The following ALDH8A1 variants were observed in gnomAD, a reference collection of about 807,000 sequenced individuals.
ALDH8A1 encodes the protein 2-aminomuconic semialdehyde dehydrogenase.
In ALDH8A1, 39 loss-of-function variants were observed where a neutral mutation model predicts 43.3. The observed-to-expected ratio is 0.90, with a 90% CI of 0.70 to 1.18. ALDH8A1 has a LOEUF of 1.18. Ranked by LOEUF, ALDH8A1 falls within the 50% of genes most tolerant of loss-of-function variation. ALDH8A1 has a pLI of 0.00. For missense variants in ALDH8A1, 605 were observed against 622.6 expected (o/e 0.97, Z 0.30); for synonymous variants, 233 against 243.5 (o/e 0.96, Z 0.40).
intron 4 of ALDH8A1, among the ~76,000 whole-genome samples, chr6:134,938,051 G>C (rs2114699776): frequency 6.6e-6 from 1 of 152,350 alleles, no homozygotes; most frequent in South Asian, 2.1e-4. Context: ...TAATGTGTAT[G>C]TCTGTGCTTC....
At position 134,950,019 on chromosome 6, in the gene ALDH8A1, T is replaced by G; in HGVS notation, c.35A>C (p.Asn12Thr). The change falls in exon 1 of 7, where the codon AAC becomes ACC. Residue 12 changes from asparagine to threonine, a missense_variant. By Grantham distance (65) the Asn-to-Thr change is moderately conservative. Coordinates refer to ENST00000265605, the MANE Select transcript of ALDH8A1 (RefSeq NM_022568.4). Reference sequence around the variant, plus strand: ...AGGTAAAAATTTTCCATCTATGAAGTTTTCCAGCATCAAAAGTGCGTTTGT... The same window carrying G: ...AGGTAAAAATTTTCCATCTATGAAGGTTTCCAGCATCAAAAGTGCGTTTGT... ...AGTNALLMLENFIDGKFLPCS... is the reference protein window; with the variant it reads ...AGTNALLMLETFIDGKFLPCS... 2 of 1,612,810 alleles carry G rather than the reference T, an allele frequency of 1.2e-6. No homozygotes were observed. Among genetic ancestry groups the G allele is most frequent in the Non-Finnish European group, 1.7e-6 (2 of 1,179,456 alleles).
chr6:134,933,110 A>T, intron 4 of ALDH8A1, 78 bp from the exon 5 acceptor site: 1 of 1,438,606 alleles, frequency 7.0e-7, no homozygotes, highest in Non-Finnish European at 9.1e-7. Flanking sequence ...TCTCCTTTAA[A>T]GTCCAATCGC....
intron 4 of ALDH8A1, among the ~76,000 whole-genome samples, chr6:134,937,869 A>G (rs1363926793): frequency 6.6e-6 from 1 of 151,510 alleles, no homozygotes; most frequent in Non-Finnish European, 1.5e-5. Context: ...CACCCCCTCC[A>G]CCTCGAAGCC....
intron 3 of ALDH8A1, 77 bp from the exon 4 acceptor site, chr6:134,939,492 G>A (rs1041712554): frequency 2.3e-5 from 34 of 1,496,348 alleles, no homozygotes; most frequent in African/African-American, 9.7e-5. Context: ...GGTTATTAAC[G>A]CAAAACTCCT....
chr6:134,919,793 C>A (rs1776765986), intron 6 of ALDH8A1, among the ~76,000 whole-genome samples: 2 of 152,164 alleles, frequency 1.3e-5, no homozygotes, highest in Admixed American at 1.3e-4. Flanking sequence ...TACATTAGAA[C>A]TCCATTGTAG....
At chr6:134,940,146 G>A (rs1200183076) in intron 3 of ALDH8A1, 1 of 336,402 alleles carries the variant, frequency 3.0e-6, no homozygotes, top group South Asian at 2.3e-5. Flanking sequence ...GTGATGGGTT[G>A]ATAGGTGCAG....
At chr6:134,946,527 C>CTA (rs561528752) in intron 1 of ALDH8A1, among the ~76,000 whole-genome samples, 28 of 152,336 alleles carry the variant, frequency 1.8e-4, no homozygotes, top group Admixed American at 1.4e-3. Flanking sequence ...AAAGCATTTA[C>CTA]TATATGCCAA....
rs1437435048 is a variant in ALDH8A1 at position 134,930,979 on chromosome 6, G to A, written c.850-1764C>T. On this transcript the variant is annotated intron_variant, in intron 5 of 6. Transcript: ENST00000265605. ...AGTTTTGAATTAGTACATGTCCAGGGTCACACAGAGATGCTTCAAAAAAGC... is the reference window on the plus strand; with the variant it reads ...AGTTTTGAATTAGTACATGTCCAGGATCACACAGAGATGCTTCAAAAAAGC... Among the ~76,000 whole-genome samples the A allele has an allele frequency of 2.0e-5, 3 of 152,168 alleles. No individual in the cohort carries two copies. In the East Asian group the frequency reaches 5.8e-4, roughly 29 times the overall value.
chr6:134,921,155 A>C (rs940800196), intron 6 of ALDH8A1, among the ~76,000 whole-genome samples: 1 of 152,142 alleles, frequency 6.6e-6, no homozygotes, highest in African/African-American at 2.4e-5. Context: ...TAGCTGAGAG[A>C]CCTCAGAGAT....
chr6:134,924,225 C>T lies in ALDH8A1; in HGVS notation c.1011+4829G>A, dbSNP rs369246113. ...CCTCCCACCTGTATGCCGGTGCTAC[C>T]GGGACATGCACTTGCAAACTGAGTC... On this transcript the variant is annotated intron_variant, in intron 6 of 6. Transcript: ENST00000265605. Among the ~76,000 whole-genome samples, 34 of 152,282 alleles carry T rather than the reference C, an allele frequency of 2.2e-4. 1 individual carries two copies. The highest frequency in any genetic ancestry group is 3.9e-4 in the Admixed American group (6 of 15,300).
Position 134,918,394 on chromosome 6 carries a change from T to C in ALDH8A1, c.*21A>G. On this transcript the variant is annotated 3_prime_UTR_variant, in exon 7 of 7. Transcript: ENST00000265605. ...GCCTGCAGCCAGGCATTGGCCATAG[T>C]GGCTCCACCATTAGCAAAGATCAGT... 1.2e-6 allele frequency: 2 copies of C among 1,604,550 alleles called. No homozygotes were observed. The highest frequency in any genetic ancestry group is 1.1e-5 in the South Asian group (1 of 90,398).
At chr6:134,946,813 C>T (rs192836085) in intron 1 of ALDH8A1, among the ~76,000 whole-genome samples, 10 of 150,964 alleles carry the variant, frequency 6.6e-5, no homozygotes, top group East Asian at 1.9e-4. Context: ...TGTGCGTGCA[C>T]GCACAGGTGC....
intron 4 of ALDH8A1, among the ~76,000 whole-genome samples, chr6:134,934,249 A>G (rs1008292051): frequency 6.6e-6 from 1 of 152,190 alleles, no homozygotes. Context: ...CCATTATGGG[A>G]TGAGAGGTCA....
At chr6:134,926,288 C>T (rs1776882162) in intron 6 of ALDH8A1, among the ~76,000 whole-genome samples, 1 of 150,958 alleles carries the variant, frequency 6.6e-6, no homozygotes, top group South Asian at 2.1e-4. Context: ...CAACCTCCAC[C>T]TCCCAGGCTC....
chr6:134,940,276 C>A, intron 3 of ALDH8A1: 1 of 274,758 alleles, frequency 3.6e-6, no homozygotes, highest in South Asian at 3.2e-5. Context: ...CTAAACAGTT[C>A]CAGAATGTGA....
chr6:134,928,815 C>T (rs1014902806), intron 6 of ALDH8A1, among the ~76,000 whole-genome samples: 1 of 152,232 alleles, frequency 6.6e-6, no homozygotes, highest in Non-Finnish European at 1.5e-5. Flanking sequence ...CTGGTGGTAT[C>T]TCCATGCTGA....
At position 134,942,579 on chromosome 6, in the gene ALDH8A1, C is replaced by A. The variant is rs1773876672; in HGVS notation, c.287-15G>T. ...TAAGGTTTTCCCTGTAAGAAGCAAACAACATAAAGCACTATCAGCTAATGG... is the reference window on the plus strand; with the variant it reads ...TAAGGTTTTCCCTGTAAGAAGCAAAAAACATAAAGCACTATCAGCTAATGG... On this transcript the variant is annotated splice_polypyrimidine_tract_variant and intron_variant, in intron 2 of 6. Coordinates refer to ENST00000265605, the MANE Select transcript of ALDH8A1 (RefSeq NM_022568.4). 3 of 1,607,450 alleles carry A rather than the reference C, an allele frequency of 1.9e-6. No individual in the cohort carries two copies. Among genetic ancestry groups the A allele is most frequent in the African/African-American group, 2.7e-5 (2 of 74,836 alleles).
intron 6 of ALDH8A1, among the ~76,000 whole-genome samples, chr6:134,923,682 T>G (rs771227864): frequency 6.6e-6 from 1 of 152,198 alleles, no homozygotes; most frequent in Non-Finnish European, 1.5e-5. Context: ...ATTTCAAGTT[T>G]TAAAAATATT....
chr6:134,933,058 A>G (rs375237761), intron 4 of ALDH8A1, 26 bp from the exon 5 acceptor site: 3 of 1,514,548 alleles, frequency 2.0e-6, no homozygotes, highest in Non-Finnish European at 2.6e-6. Flanking sequence ...TATCAGTTAT[A>G]GTAATTCTCA....
Sources: allele counts gnomAD v4.1 joint callset (sites outside exome capture counted in the v4.1 genomes callset), GRCh38; gene constraint gnomAD v4.1.1; transcripts MANE v1.5; gene names NCBI Gene and HGNC (gene_info 2026-07-23, HGNC 2026-07-21).